MTMR12: variants seen among roughly 807,000 people sequenced by gnomAD.
MTMR12 encodes myotubularin-related protein 12.
In MTMR12, 33 loss-of-function variants were observed where a neutral mutation model predicts 96.7. That is an observed-to-expected ratio of 0.34 (90% confidence interval 0.26 to 0.46). The LOEUF (loss-of-function observed/expected upper bound fraction) is 0.46, where lower values mean the gene tolerates loss of function less well. MTMR12 is among the 20% of genes least tolerant of loss of function. The probability of loss-of-function intolerance (pLI) is 1.00; values close to 1 mark genes in which losing one functional copy is unlikely to be tolerated. For synonymous variants in MTMR12, 298 were observed against 327.2 expected (o/e 0.91, Z 0.96); for missense variants, 721 against 896.1 (o/e 0.80, Z 2.49).
intron 7 of MTMR12, among the ~76,000 whole-genome samples, chr5:32,259,466 C>G (rs1017147116): frequency 1.3e-5 from 2 of 152,176 alleles, no homozygotes; most frequent in Admixed American, 1.3e-4. Context: ...TGACGCAGGT[C>G]CCCCTCTAAA....
chr5:32,242,195 T>C (rs1748502941), intron 11 of MTMR12, 68 bp from the exon 12 acceptor site: 3 of 1,158,742 alleles, frequency 2.6e-6, no homozygotes, highest in Admixed American at 2.0e-5. Context: ...CACTACGTAG[T>C]TGAGAGAGAG....
At chr5:32,243,753 T>C (rs1748567195) in intron 10 of MTMR12, among the ~76,000 whole-genome samples, 154 bp from the exon 11 acceptor site, 1 of 152,220 alleles carries the variant, frequency 6.6e-6, no homozygotes, top group African/African-American at 2.4e-5. Flanking sequence ...GTAAGGGTCA[T>C]TTCAAAACTT....
At chr5:32,299,087 G>GCACA (rs147880558) in intron 1 of MTMR12, among the ~76,000 whole-genome samples, 1 of 149,980 alleles carries the variant, frequency 6.7e-6, no homozygotes, top group Non-Finnish European at 1.5e-5. Context: ...ACACACACAC[G>GCACA]CACACACACA....
At chr5:32,290,921 A>G (rs551856366) in intron 1 of MTMR12, among the ~76,000 whole-genome samples, 1 of 152,330 alleles carries the variant, frequency 6.6e-6, no homozygotes, top group East Asian at 1.9e-4. Context: ...TCAAGTCACC[A>G]TGCGACCTGA....
intron 1 of MTMR12, among the ~76,000 whole-genome samples, chr5:32,285,357 C>CAAA (rs35792337): frequency 1.8e-5 from 2 of 109,690 alleles, no homozygotes; most frequent in Admixed American, 9.7e-5. Context: ...GATTCCATTT[C>CAAA]AAAAAAAAAA....
chr5:32,283,471 T>C (rs962978833), intron 1 of MTMR12, among the ~76,000 whole-genome samples: 2 of 152,206 alleles, frequency 1.3e-5, no homozygotes, highest in Non-Finnish European at 2.9e-5. Context: ...ATAGAGTTAT[T>C]ATACCCATGA....
intron 1 of MTMR12, among the ~76,000 whole-genome samples, chr5:32,277,689 T>C (rs1750111907): frequency 6.9e-6 from 1 of 144,574 alleles, no homozygotes; most frequent in African/African-American, 2.9e-5. Flanking sequence ...ACAGTGGGAC[T>C]CTGTCTCAAA....
chr5:32,310,559 A>G (rs1751539577), intron 1 of MTMR12, among the ~76,000 whole-genome samples: 1 of 152,242 alleles, frequency 6.6e-6, no homozygotes, highest in Non-Finnish European at 1.5e-5. Context: ...AGAAAGACAA[A>G]CTTTGCACGT....
chr5:32,230,490 C>G, intron 15 of MTMR12, 143 bp from the exon 16 acceptor site: 1 of 733,522 alleles, frequency 1.4e-6, no homozygotes, highest in East Asian at 2.7e-5. Flanking sequence ...CACTCATTAA[C>G]ACGCTGTGAC....
rs1747840788 is a variant in MTMR12 at position 32,228,569 on chromosome 5, CATATATATATCATATATATGTGATATAT to C, written c.*1181_*1208del. ...TCATATATATGTGATATATATATAT[CATATATATATCATATATATGTGATATAT>C]ATATATATATCATATATATGATATA... On this transcript the variant is annotated 3_prime_UTR_variant, in exon 16 of 16. Transcript: ENST00000382142. 6.2e-5 allele frequency: 7 copies of C among 112,508 alleles called. No individual in the cohort carries two copies. Among genetic ancestry groups the C allele is most frequent in the South Asian group, 2.5e-4 (1 of 4,030 alleles). 7.0% of individuals were successfully genotyped at this position (112,508 alleles called of 1,614,324 possible). A position where few individuals can be genotyped will look rare whatever the true frequency, so the allele number is the denominator to read the frequency against.
chr5:32,233,211 CT>C lies in MTMR12; in HGVS notation c.1674+561del, dbSNP rs767162675. Among the ~76,000 whole-genome samples the C allele has an allele frequency of 1.1e-3, 164 of 144,786 alleles. 1 individual carries two copies. The highest frequency in any genetic ancestry group is 3.6e-3 in the Middle Eastern group (1 of 276). The allele number at this position is 144,786 out of a possible 152,430, so 95.0% of individuals were successfully genotyped here. On this transcript the variant is annotated intron_variant, in intron 15 of 15. Coordinates refer to ENST00000382142, the MANE Select transcript of MTMR12 (RefSeq NM_001040446.3). This position sits in a 1 kb window ranked among gnomAD's most constrained non-coding sequence, Gnocchi z 5.0. ...CCTACTTGTTCACCTACTAAGGCTCCTTTTTTTTTTTTCAAGTAAAGGAATA... is the reference window on the plus strand; with the variant it reads ...CCTACTTGTTCACCTACTAAGGCTCCTTTTTTTTTTTCAAGTAAAGGAATA...
chr5:32,285,160 C>T (rs955501776), intron 1 of MTMR12, among the ~76,000 whole-genome samples: 1 of 152,022 alleles, frequency 6.6e-6, no homozygotes, highest in African/African-American at 2.4e-5. Flanking sequence ...GAGTTTGAGA[C>T]CAGCCTGGCC....
chr5:32,285,000 C>T (rs1037110664), intron 1 of MTMR12, among the ~76,000 whole-genome samples: 20 of 152,298 alleles, frequency 1.3e-4, no homozygotes, highest in Admixed American at 6.5e-5. Flanking sequence ...CTGCTGGCAC[C>T]AGGATCACAG....
At chr5:32,309,803 A>T (rs1056144784) in intron 1 of MTMR12, 2 of 152,212 alleles carry the variant, frequency 1.3e-5, no homozygotes, top group African/African-American at 4.8e-5. Context: ...AAAAAGTATG[A>T]GATATCATCT....
chr5:32,312,933 G>C lies in MTMR12; in HGVS notation c.-95C>G. The C allele has an allele frequency of 3.3e-6, 4 of 1,194,268 alleles. No individual in the cohort carries two copies. The South Asian group carries it at 5.3e-5, about 16-fold the overall frequency. 74.0% of individuals were successfully genotyped at this position (1,194,268 alleles called of 1,614,324 possible). ...CGGCGGCCACCAGCACTAGCGGCTGGGGCTCCGCCCATCCCCAAGGCCGCG... is the reference window on the plus strand; with the variant it reads ...CGGCGGCCACCAGCACTAGCGGCTGCGGCTCCGCCCATCCCCAAGGCCGCG... On this transcript the variant is annotated 5_prime_UTR_variant, in exon 1 of 16. Transcript: ENST00000382142. The surrounding 1 kb of genome is among the most constrained non-coding windows in gnomAD (Gnocchi z 5.0).
At position 32,268,806 on chromosome 5, in the gene MTMR12, T is replaced by G. The variant is rs377203714; in HGVS notation, c.490-12A>C. The G allele has an allele frequency of 2.1e-4, 331 of 1,594,056 alleles. No homozygotes were observed. Among genetic ancestry groups the G allele is most frequent in the Non-Finnish European group, 2.8e-4 (323 of 1,162,024 alleles). On this transcript the variant is annotated splice_polypyrimidine_tract_variant and intron_variant, in intron 5 of 15. Coordinates refer to ENST00000382142, the MANE Select transcript of MTMR12 (RefSeq NM_001040446.3). Reference sequence around the variant, plus strand: ...ATGCCACTGACAATCTAAAAAAGAATCGAACAATGGATATAGTTATGGTTT... The same window carrying G: ...ATGCCACTGACAATCTAAAAAAGAAGCGAACAATGGATATAGTTATGGTTT...
Position 32,233,452 on chromosome 5 carries a change from A to C in MTMR12, c.1674+321T>G, listed in dbSNP as rs1748079582. 7.7e-6 allele frequency among the ~76,000 whole-genome samples: 1 copy of C among 129,162 alleles called. No individual in the cohort carries two copies. The highest frequency in any genetic ancestry group is 3.1e-5 in the African/African-American group (1 of 32,260). 84.7% of individuals were successfully genotyped at this position (129,162 alleles called of 152,430 possible). A position where few individuals can be genotyped will look rare whatever the true frequency, so the allele number is the denominator to read the frequency against. ...ACACAATCAATGTTCCTTTTACTCTACTAACACACACACACACACAAACAC... is the reference window on the plus strand; with the variant it reads ...ACACAATCAATGTTCCTTTTACTCTCCTAACACACACACACACACAAACAC... On this transcript the variant is annotated intron_variant, in intron 15 of 15. Coordinates refer to ENST00000382142, the MANE Select transcript of MTMR12 (RefSeq NM_001040446.3). The surrounding 1 kb of genome is among the most constrained non-coding windows in gnomAD (Gnocchi z 5.0).
At chr5:32,260,504 G>A (rs1749323035) in intron 7 of MTMR12, among the ~76,000 whole-genome samples, 1 of 151,692 alleles carries the variant, frequency 6.6e-6, no homozygotes, top group Non-Finnish European at 1.5e-5. Flanking sequence ...AACAATTCTG[G>A]GAACTTATGT....
chr5:32,299,075 A>AT (rs1326520389), intron 1 of MTMR12, among the ~76,000 whole-genome samples: 1 of 151,856 alleles, frequency 6.6e-6, no homozygotes, highest in Non-Finnish European at 1.5e-5. Context: ...ACACATACAC[A>AT]TACACACACA....
Sources: allele counts gnomAD v4.1 joint callset (sites outside exome capture counted in the v4.1 genomes callset), GRCh38; gene constraint gnomAD v4.1.1; non-coding constraint Gnocchi (gnomAD v3.1); transcripts MANE v1.5; gene names NCBI Gene and HGNC (gene_info 2026-07-23, HGNC 2026-07-21).